PIK3C2A: variants seen among roughly 807,000 people sequenced by gnomAD.
PIK3C2A encodes the protein phosphatidylinositol-4-phosphate 3-kinase catalytic subunit type 2 alpha.
PIK3C2A carries 97 observed loss-of-function variants against 204.5 expected under a neutral mutation model. The ratio of observed to expected loss-of-function variants is 0.47; its 90% CI spans 0.40 to 0.56. The LOEUF (loss-of-function observed/expected upper bound fraction) is 0.56. PIK3C2A is among the 20% of genes least tolerant of loss of function. The probability of loss-of-function intolerance (pLI) is 0.00; values close to 1 mark genes in which losing one functional copy is unlikely to be tolerated. For synonymous variants in PIK3C2A, 653 were observed against 664.4 expected, an observed-to-expected ratio of 0.98 and a Z score of 0.26; for missense variants, 1,735 against 1,969.2, an observed-to-expected ratio of 0.88 and a Z score of 2.25.
At chr11:17,123,557 G>A (rs1003819601) in intron 13 of PIK3C2A, among the ~76,000 whole-genome samples, 4 of 151,840 alleles carry the variant, frequency 2.6e-5, no homozygotes, top group African/African-American at 9.7e-5. Flanking sequence ...ACCGCACCTG[G>A]CCAGATATGA....
rs1352130105 is a variant in PIK3C2A at position 17,122,451 on chromosome 11, AAATT to A, written c.2512-122_2512-119del. The A allele has an allele frequency of 4.4e-6, 3 of 681,588 alleles. No individual in the cohort carries two copies. In the African/African-American group the frequency reaches 5.4e-5, roughly 12 times the overall value. The allele number at this position is 681,588 out of a possible 1,614,324, so 42.2% of individuals were successfully genotyped here. ...TCGGGGCATATTTACATTGAATATT[AAATT>A]AATGCTTCTTGTTGCAATTGATTAC... is the stretch of plus-strand genomic sequence containing the variant. On this transcript the variant is annotated intron_variant, in intron 14 of 32. Transcript: ENST00000691414.
Position 17,118,742 on chromosome 11 carries a change from A to G in PIK3C2A, c.2941-3T>C. 1 of 1,420,860 alleles carries G rather than the reference A, an allele frequency of 7.0e-7. No individual in the cohort carries two copies. Among genetic ancestry groups the G allele is most frequent in the Non-Finnish European group, 9.9e-7 (1 of 1,010,996 alleles). The allele number at this position is 1,420,860 out of a possible 1,614,324, so 88.0% of individuals were successfully genotyped here. ...AAGTAAATTTCATATTTCAAAGCCT[A>G]CAGTAAAAGAAAATAAGAATTATTA... On this transcript the variant is annotated splice_region_variant and splice_polypyrimidine_tract_variant and intron_variant, in intron 17 of 32. Transcript: ENST00000691414.
intron 28 of PIK3C2A, among the ~76,000 whole-genome samples, chr11:17,093,448 T>C (rs968359099): frequency 3.9e-5 from 6 of 152,164 alleles, no homozygotes; most frequent in African/African-American, 4.8e-5. Flanking sequence ...TTGTATTTTT[T>C]AGAAGAGACG....
chr11:17,129,796 TGGCCA>T (rs1849639546), intron 12 of PIK3C2A, among the ~76,000 whole-genome samples: 2 of 152,100 alleles, frequency 1.3e-5, no homozygotes, highest in Non-Finnish European at 2.9e-5. Context: ...TTCACCATGT[TGGCCA>T]GGCTGGTCTC....
chr11:17,178,404 C>A (rs927663814), intron 1 of PIK3C2A, among the ~76,000 whole-genome samples: 1 of 152,026 alleles, frequency 6.6e-6, no homozygotes, highest in African/African-American at 2.4e-5. Context: ...ACATGGTGAA[C>A]AAGTATCATT....
intron 22 of PIK3C2A, among the ~76,000 whole-genome samples, chr11:17,105,763 T>C (rs896826451): frequency 6.6e-6 from 1 of 152,188 alleles, no homozygotes; most frequent in African/African-American, 2.4e-5. Flanking sequence ...TAAAAAGTTA[T>C]AGTTTTCAAT....
intron 1 of PIK3C2A, among the ~76,000 whole-genome samples, chr11:17,202,296 A>G (rs1852416716): frequency 6.6e-6 from 1 of 151,552 alleles, no homozygotes; most frequent in Non-Finnish European, 1.5e-5. Context: ...AGAAAAGAAA[A>G]GAATACTGGG....
intron 8 of PIK3C2A, among the ~76,000 whole-genome samples, chr11:17,137,803 C>G (rs1434174024): frequency 6.6e-6 from 1 of 152,158 alleles, no homozygotes; most frequent in Non-Finnish European, 1.5e-5. Flanking sequence ...GAGCTAGACC[C>G]TATAAACATT....
At chr11:17,190,900 G>C (rs969410776) in intron 1 of PIK3C2A, among the ~76,000 whole-genome samples, 1 of 152,084 alleles carries the variant, frequency 6.6e-6, no homozygotes, top group Non-Finnish European at 1.5e-5. Flanking sequence ...GGAGAGTAGA[G>C]AGAATGAAAC....
chr11:17,196,511 T>C (rs755663817), intron 1 of PIK3C2A, among the ~76,000 whole-genome samples: 1 of 152,076 alleles, frequency 6.6e-6, no homozygotes, highest in African/African-American at 2.4e-5. Flanking sequence ...AGACAGTAAA[T>C]GAAATAGGAG....
intron 4 of PIK3C2A, among the ~76,000 whole-genome samples, chr11:17,149,059 C>G (rs545427052): frequency 5.9e-4 from 90 of 151,932 alleles, no homozygotes; most frequent in Non-Finnish European, 1.1e-3. Flanking sequence ...AATCTTGGAA[C>G]AAAAATACTT....
chr11:17,148,593 C>CT lies in PIK3C2A; in HGVS notation c.1448+73dup, dbSNP rs1229003695. The CT allele has an allele frequency of 2.3e-6, 3 of 1,332,012 alleles. No homozygotes were observed. In the East Asian group the frequency reaches 7.1e-5, roughly 31 times the overall value. 82.5% of individuals were successfully genotyped at this position (1,332,012 alleles called of 1,614,324 possible). On this transcript the variant is annotated intron_variant, in intron 5 of 32. Coordinates refer to ENST00000691414, the MANE Select transcript of PIK3C2A (RefSeq NM_002645.4). ...ATGTATTTCTGCATTATAAATTTAA[C>CT]TTGAAATTTTTCTAGATTAAACCAT...
chr11:17,105,570 T>C lies in PIK3C2A; in HGVS notation c.3545-265A>G, dbSNP rs143578947. Among the ~76,000 whole-genome samples, 1,319 of 152,146 alleles carry C rather than the reference T, an allele frequency of 8.7e-3. 21 individuals carry two copies. Among genetic ancestry groups the C allele is most frequent in the Non-Finnish European group, 0.012 (821 of 67,988 alleles). ...TTGCCTCCCACCTGCCAACAGGCCC[T>C]GGTGTGTGATGTTCCCCTCCCTGTG... On this transcript the variant is annotated intron_variant, in intron 22 of 32. Transcript: ENST00000691414.
chr11:17,118,992 G>A (rs192498361), intron 17 of PIK3C2A, among the ~76,000 whole-genome samples: 102 of 152,256 alleles, frequency 6.7e-4, no homozygotes, highest in Non-Finnish European at 1.1e-3. Flanking sequence ...AGTCTGGTTT[G>A]TTCTAAAAAG....
At chr11:17,187,844 T>C (rs897209261) in intron 1 of PIK3C2A, among the ~76,000 whole-genome samples, 3 of 151,644 alleles carry the variant, frequency 2.0e-5, no homozygotes, top group East Asian at 3.9e-4. Flanking sequence ...GAAACACAGA[T>C]GGAGGGGTTT....
In PIK3C2A at chr11:17,146,505, G is replaced by A. The variant is rs139961932; in HGVS notation, c.1561-563C>T. ...AGGTAGGTGAATCATTTGAGGCCAG[G>A]AGTTCGAGACCAGCCTGGCCAACAC... On this transcript the variant is annotated intron_variant, in intron 6 of 32. Transcript: ENST00000691414. 4.0e-3 allele frequency among the ~76,000 whole-genome samples: 610 copies of A among 151,682 alleles called. 6 individuals carry two copies. Among genetic ancestry groups the A allele is most frequent in the African/African-American group, 0.013 (528 of 41,304 alleles).
chr11:17,095,772 G>A (rs1329161694), intron 27 of PIK3C2A, among the ~76,000 whole-genome samples: 3 of 151,296 alleles, frequency 2.0e-5, no homozygotes, highest in East Asian at 1.9e-4. Flanking sequence ...AAAATTAGCC[G>A]GGTGTGCTGG....
chr11:17,106,544 T>C (rs563157109), intron 22 of PIK3C2A, among the ~76,000 whole-genome samples: 163 of 152,356 alleles, frequency 1.1e-3, no homozygotes, highest in African/African-American at 3.7e-3. Context: ...ATGTACTAAT[T>C]CCCAAAGGAA....
chr11:17,115,372 G>GAA (rs58726258), intron 19 of PIK3C2A, among the ~76,000 whole-genome samples: 18 of 84,578 alleles, frequency 2.1e-4, no homozygotes, highest in East Asian at 1.0e-3. Flanking sequence ...GTCCCTACAA[G>GAA]AAAAAAAAAA....
Sources: gnomAD v4.1 joint callset for allele counts (sites outside exome capture counted in the v4.1 genomes callset) on GRCh38, gnomAD v4.1.1 for gene constraint, MANE v1.5 for transcripts, NCBI Gene and HGNC (gene_info 2026-07-23, HGNC 2026-07-21) for gene names.